Variants in EXOC4 observed in about 807,000 individuals in gnomAD.
EXOC4 encodes SEC8-like 1.
A neutral mutation model predicts 107.2 loss-of-function variants in EXOC4; 71 were observed. That is an observed-to-expected ratio of 0.66 (90% CI 0.55 to 0.81). EXOC4 has a LOEUF of 0.81. Among genes scored for constraint, EXOC4 ranks in the 30% least tolerant of loss-of-function variants. The pLI is 0.00. For synonymous variants in EXOC4, 456 were observed against 441.2 expected (o/e 1.03, Z -0.42); for missense variants, 1,108 against 1,189.6 (o/e 0.93, Z 1.01).
chr7:133,456,274 G>A (rs1798461413), intron 7 of EXOC4, among the ~76,000 whole-genome samples: 2 of 152,178 alleles, frequency 1.3e-5, no homozygotes, highest in Admixed American at 1.3e-4. Flanking sequence ...AGGTCACCAT[G>A]TGGCTGGAAA....
intron 7 of EXOC4, among the ~76,000 whole-genome samples, chr7:133,412,883 G>A (rs993740160): frequency 6.6e-6 from 1 of 151,966 alleles, no homozygotes; most frequent in Non-Finnish European, 1.5e-5. Flanking sequence ...TCTCAAAATA[G>A]TGGTTTAATG....
intron 7 of EXOC4, among the ~76,000 whole-genome samples, chr7:133,426,413 A>G (rs2150767984): frequency 6.6e-6 from 1 of 152,368 alleles, no homozygotes; most frequent in African/African-American, 2.4e-5. Context: ...TGAGCATATT[A>G]TATTGTCTGA....
chr7:133,754,069 A>G lies in EXOC4; in HGVS notation c.1515-63256A>G, dbSNP rs565374946. On this transcript the variant is annotated intron_variant, in intron 10 of 17. Transcript: ENST00000253861. Reference sequence around the variant, plus strand: ...AATGGGGGCAAAACCAAAGGCAACGAAAGTAGTTTATTATAATACCCTGGT... The same window carrying G: ...AATGGGGGCAAAACCAAAGGCAACGGAAGTAGTTTATTATAATACCCTGGT... 3.3e-5 allele frequency among the ~76,000 whole-genome samples: 5 copies of G among 152,304 alleles called. No individual in the cohort carries two copies. The South Asian group carries it at 1.0e-3, about 32-fold the overall frequency.
At position 134,007,768 on chromosome 7, in the gene EXOC4, A is replaced by G. The variant is rs2116343639; in HGVS notation, c.2620A>G (p.Ile874Val). The change falls in exon 17 of 18, where the codon ATT becomes GTT. Residue 874 changes from isoleucine to valine, a missense_variant. By Grantham distance (29) the Ile-to-Val change is conservative. Coordinates refer to ENST00000253861, the MANE Select transcript of EXOC4 (RefSeq NM_021807.4). ...TGGCATCAAGAAAATGTGTAGGAACATTTTTGTTCTTCAGCAGAATTTGAC... is the reference window on the plus strand; with the variant it reads ...TGGCATCAAGAAAATGTGTAGGAACGTTTTTGTTCTTCAGCAGAATTTGAC... ...ESGIKKMCRN[I>V]FVLQQNLTNI... 2 of 1,613,576 alleles carry G rather than the reference A, an allele frequency of 1.2e-6. No homozygotes were observed. Among genetic ancestry groups the G allele is most frequent in the East Asian group, 2.2e-5 (1 of 44,858 alleles).
At chr7:133,549,182 C>T (rs930225278) in intron 9 of EXOC4, among the ~76,000 whole-genome samples, 1 of 151,884 alleles carries the variant, frequency 6.6e-6, no homozygotes, top group African/African-American at 2.4e-5. Flanking sequence ...TTAGTAGAGA[C>T]GGGTTTCACT....
chr7:134,002,313 T>C (rs1379902398), intron 15 of EXOC4, among the ~76,000 whole-genome samples: 1 of 152,176 alleles, frequency 6.6e-6, no homozygotes, highest in African/African-American at 2.4e-5. Context: ...ACATCCCATA[T>C]AAAACTTAGC....
chr7:133,643,083 T>C (rs1802898840), intron 10 of EXOC4, among the ~76,000 whole-genome samples: 1 of 152,134 alleles, frequency 6.6e-6, no homozygotes, highest in East Asian at 1.9e-4. Context: ...TGGCACATTG[T>C]CTGGAGATGA....
intron 4 of EXOC4, 129 bp downstream of exon 4, chr7:133,306,190 A>T: frequency 4.1e-6 from 3 of 725,696 alleles, no homozygotes; most frequent in Middle Eastern, 3.4e-4. Flanking sequence ...AAACTTGAAG[A>T]TGGTTTTATA....
intron 2 of EXOC4, among the ~76,000 whole-genome samples, chr7:133,282,462 A>C (rs1039723136): frequency 1.3e-5 from 2 of 152,226 alleles, no homozygotes; most frequent in Non-Finnish European, 2.9e-5. Flanking sequence ...ATAATTTTTC[A>C]ATCTTAATTA....
intron 10 of EXOC4, among the ~76,000 whole-genome samples, chr7:133,702,805 C>A (rs547878565): frequency 1.3e-5 from 2 of 152,128 alleles, no homozygotes; most frequent in African/African-American, 4.8e-5. Flanking sequence ...TATAAACTGC[C>A]ATGTTCTGTT....
intron 13 of EXOC4, among the ~76,000 whole-genome samples, chr7:133,922,008 C>T (rs959314403): frequency 6.6e-6 from 1 of 152,166 alleles, no homozygotes; most frequent in Admixed American, 6.5e-5. Context: ...TATTGCTGAG[C>T]CCATCAGAGG....
chr7:133,528,654 T>A (rs1800124338), intron 9 of EXOC4, among the ~76,000 whole-genome samples: 1 of 152,100 alleles, frequency 6.6e-6, no homozygotes, highest in Non-Finnish European at 1.5e-5. Context: ...AGTGAGAGAA[T>A]ATATGAGTAC....
chr7:133,562,573 A>G (rs977611232), intron 9 of EXOC4, among the ~76,000 whole-genome samples: 4 of 152,174 alleles, frequency 2.6e-5, no homozygotes, highest in Non-Finnish European at 5.9e-5. Context: ...GCTTTACTTT[A>G]ACTAGAGCTG....
chr7:133,713,989 T>A (rs1794948706), intron 10 of EXOC4, among the ~76,000 whole-genome samples: 1 of 152,176 alleles, frequency 6.6e-6, no homozygotes. Context: ...AATAGGAAGC[T>A]GAGACATAGA....
chr7:133,909,191 T>A (rs576495800), intron 12 of EXOC4, among the ~76,000 whole-genome samples: 1 of 152,330 alleles, frequency 6.6e-6, no homozygotes, highest in East Asian at 1.9e-4. Flanking sequence ...CAAAAATCAT[T>A]TATTAAGCAC....
intron 10 of EXOC4, among the ~76,000 whole-genome samples, chr7:133,684,683 G>T (rs11974463): frequency 0.99 from 150,028 of 152,292 alleles, 73,948 homozygotes; most frequent in Middle Eastern, 1. Flanking sequence ...TTTTAAAAAA[G>T]TATTGTTGAC....
chr7:133,403,825 G>T (rs976527439), intron 7 of EXOC4, among the ~76,000 whole-genome samples: 1 of 152,046 alleles, frequency 6.6e-6, no homozygotes, highest in African/African-American at 2.4e-5. Flanking sequence ...TTGCTGCTTG[G>T]GAGGCTGAGG....
chr7:133,297,726 C>T (rs1027933898), intron 3 of EXOC4, among the ~76,000 whole-genome samples: 1 of 152,040 alleles, frequency 6.6e-6, no homozygotes, highest in African/African-American at 2.4e-5. Context: ...GTCATTTCCC[C>T]ATGCCAGGTA....
chr7:133,253,605 A>AT, intron 1 of EXOC4: 1 of 745,028 alleles, frequency 1.3e-6, no homozygotes. Flanking sequence ...GAGTCCGGAG[A>AT]TTCCTGTCAC....
Sources: gnomAD v4.1 joint callset for allele counts (sites outside exome capture counted in the v4.1 genomes callset) on GRCh38, gnomAD v4.1.1 for gene constraint, MANE v1.5 for transcripts, NCBI Gene and HGNC (gene_info 2026-07-23, HGNC 2026-07-21) for gene names.